NME9: variants seen among roughly 807,000 people sequenced by gnomAD.
NME9 encodes NME/NM23 family member 9, also known as thioredoxin domain-containing protein 6.
Under a neutral mutation model 44.4 loss-of-function variants are expected in NME9, and 48 were observed. The ratio of observed to expected loss-of-function variants is 1.08; its 90% CI spans 0.86 to 1.37. The LOEUF (loss-of-function observed/expected upper bound fraction) is 1.37. Among genes scored for constraint, NME9 ranks in the 40% most tolerant of loss-of-function variants. NME9 has a pLI of 0.00. For synonymous variants in NME9, 139 were observed against 147.1 expected, an observed-to-expected ratio of 0.94 and a Z score of 0.40; for missense variants, 325 against 405.2, an observed-to-expected ratio of 0.80 and a Z score of 1.70.
intron 8 of NME9, chr3:138,289,051 C>T: frequency 1.2e-6 from 2 of 1,611,884 alleles, no homozygotes; most frequent in Non-Finnish European, 1.7e-6. Context: ...TTAATAGGGC[C>T]ATTCACATGT....
intron 8 of NME9, among the ~76,000 whole-genome samples, chr3:138,288,343 G>A (rs975290767): frequency 6.6e-6 from 1 of 152,222 alleles, no homozygotes; most frequent in Admixed American, 6.5e-5. Context: ...TTGGCTGTTG[G>A]TGACCTGGAA....
chr3:138,324,066 T>C (rs2053627871), intron 2 of NME9: 1 of 189,556 alleles, frequency 5.3e-6, no homozygotes, highest in Non-Finnish European at 1.1e-5. Context: ...CTTAGAGCCC[T>C]GTCCTAGGGG....
At chr3:138,266,864 A>G (rs2048331841) in intron 8 of NME9, among the ~76,000 whole-genome samples, 1 of 152,136 alleles carries the variant, frequency 6.6e-6, no homozygotes, top group Non-Finnish European at 1.5e-5. Context: ...CTTGGCCTTC[A>G]AGCATTTCAC....
intron 8 of NME9, among the ~76,000 whole-genome samples, chr3:138,294,930 C>G (rs534575772): frequency 1.3e-5 from 2 of 149,264 alleles, no homozygotes; most frequent in East Asian, 3.9e-4. Context: ...TGGAGTTTCA[C>G]TCTTGTCGCA....
At chr3:138,265,342 G>C (rs2048177338) in intron 8 of NME9, among the ~76,000 whole-genome samples, 1 of 152,134 alleles carries the variant, frequency 6.6e-6, no homozygotes, top group Admixed American at 6.5e-5. Flanking sequence ...GTTATCCCCT[G>C]ATACACTACA....
intron 8 of NME9, among the ~76,000 whole-genome samples, chr3:138,288,694 A>G (rs1466555012): frequency 1.4e-5 from 2 of 145,354 alleles, no homozygotes; most frequent in Admixed American, 7.2e-5. Flanking sequence ...GCTGAGTGCA[A>G]TGGCACGATC....
chr3:138,296,538 A>T (rs192441646), downstream of NME9: 53 of 152,068 alleles, frequency 3.5e-4, no homozygotes, highest in Middle Eastern at 3.4e-3. Flanking sequence ...GATTTTCTTT[A>T]TATAAAAAAA....
chr3:138,311,351 C>CA (rs1224524813), intron 6 of NME9, among the ~76,000 whole-genome samples: 1 of 152,058 alleles, frequency 6.6e-6, no homozygotes, highest in African/African-American at 2.4e-5. Flanking sequence ...TCAAACTCTT[C>CA]AAAAAAATTT....
At chr3:138,319,861 G>T (rs2053355444) in intron 2 of NME9, among the ~76,000 whole-genome samples, 1 of 152,094 alleles carries the variant, frequency 6.6e-6, no homozygotes, top group South Asian at 2.1e-4. Context: ...GGTTCTTCAG[G>T]CTACATTCAG....
chr3:138,301,965 T>A (rs1179534544), intron 10 of NME9, among the ~76,000 whole-genome samples: 1 of 152,230 alleles, frequency 6.6e-6, no homozygotes, highest in African/African-American at 2.4e-5. Context: ...AAGATTTTTA[T>A]TATGAAGCTA....
chr3:138,274,769 A>T (rs1442330692), intron 8 of NME9, among the ~76,000 whole-genome samples: 1 of 152,196 alleles, frequency 6.6e-6, no homozygotes, highest in Non-Finnish European at 1.5e-5. Flanking sequence ...TCTCTGTGTC[A>T]TGCACTGTGC....
intron 8 of NME9, among the ~76,000 whole-genome samples, chr3:138,269,452 C>G (rs1360710845): frequency 6.6e-6 from 1 of 152,104 alleles, no homozygotes; most frequent in Non-Finnish European, 1.5e-5. Context: ...TGTGGCATGA[C>G]TGTAAAAGTA....
intron 3 of NME9, among the ~76,000 whole-genome samples, chr3:138,318,587 C>T (rs6790428): frequency 0.086 from 13,002 of 151,930 alleles, 1,844 homozygotes; most frequent in African/African-American, 0.3. Context: ...AGATCCCCCA[C>T]GCAAGCCCTT....
At chr3:138,284,570 C>T (rs780364020) in intron 8 of NME9, 3 of 1,386,220 alleles carry the variant, frequency 2.2e-6, no homozygotes, top group East Asian at 4.6e-5. Context: ...AATGCAGGGA[C>T]TGTTGCATTT....
At chr3:138,284,380 A>C in intron 8 of NME9, 1 of 1,428,102 alleles carries the variant, frequency 7.0e-7, no homozygotes, top group South Asian at 1.2e-5. Context: ...AGACAGCTTG[A>C]CTCTGGGACT....
Position 138,304,616 on chromosome 3 carries a change from G to A in NME9, c.791+257C>T, listed in dbSNP as rs558500440. ...TGGCCGAAAAGAGAAAACAGCGACT[G>A]AGGAATGAATCCAGAAGCAGCCTTC... On this transcript the variant is annotated intron_variant, in intron 9 of 10. Transcript: ENST00000333911. Among the ~76,000 whole-genome samples, 14 of 152,338 alleles carry A rather than the reference G, an allele frequency of 9.2e-5. No homozygotes were observed. The South Asian group carries it at 2.7e-3, about 29-fold the overall frequency.
In NME9 at chr3:138,322,707, T is replaced by C. The variant is rs1046978084; in HGVS notation, c.91+2166A>G. On this transcript the variant is annotated intron_variant, in intron 2 of 10. Transcript: ENST00000333911. The stretch of plus-strand genomic sequence containing the variant: ...TCCATATCTATATATTCCTCTAGAC[T>C]GCCTGATGAGAAGGAGCAAAGAGGA... Among the ~76,000 whole-genome samples the C allele has an allele frequency of 2.6e-5, 4 of 152,164 alleles. No homozygotes were observed. In the East Asian group the frequency reaches 7.7e-4, roughly 29 times the overall value.
intron 8 of NME9, among the ~76,000 whole-genome samples, chr3:138,294,589 C>T (rs866115338): frequency 6.6e-6 from 1 of 152,218 alleles, no homozygotes; most frequent in Non-Finnish European, 1.5e-5. Context: ...GTGTCCATTA[C>T]TGCAGAAACT....
Position 138,301,278 on chromosome 3 carries a change from T to TA in NME9, c.*361dup, listed in dbSNP as rs2051828468. The TA allele has an allele frequency of 7.8e-6, 3 of 384,086 alleles. No homozygotes were observed. Among genetic ancestry groups the TA allele is most frequent in the Admixed American group, 5.4e-5 (1 of 18,632 alleles). 23.8% of individuals were successfully genotyped at this position (384,086 alleles called of 1,614,324 possible). On this transcript the variant is annotated 3_prime_UTR_variant, in exon 11 of 11. Transcript: ENST00000333911. ...GGAGTGCAGTGGCATGATCTCGGCT[T>TA]ACTGCAACCTTCACCTCCCGGGTTC...
Sources: gnomAD v4.1 joint callset for allele counts (sites outside exome capture counted in the v4.1 genomes callset) on GRCh38, gnomAD v4.1.1 for gene constraint, MANE v1.5 for transcripts, NCBI Gene and HGNC (gene_info 2026-07-23, HGNC 2026-07-21) for gene names.